SHISA9: variants seen among roughly 807,000 people sequenced by gnomAD.
The protein encoded by SHISA9 is protein shisa-9.
SHISA9 carries 13 observed loss-of-function variants against 38.0 expected under a neutral mutation model. That is an observed-to-expected ratio of 0.34 (90% CI 0.22 to 0.54). SHISA9 has a LOEUF of 0.54. SHISA9 is among the 20% of genes least tolerant of loss of function. SHISA9 has a pLI of 0.91. For synonymous variants in SHISA9, 275 were observed against 242.0 expected (o/e 1.14, Z -1.27); for missense variants, 538 against 575.8 (o/e 0.93, Z 0.67).
chr16:12,957,731 C>T (rs1001408639), intron 2 of SHISA9, among the ~76,000 whole-genome samples: 8 of 152,034 alleles, frequency 5.3e-5, no homozygotes, highest in South Asian at 2.1e-4. Context: ...AAACAACAAG[C>T]GTATTTTTTT....
intron 2 of SHISA9, among the ~76,000 whole-genome samples, chr16:13,183,944 G>A (rs1374564150): frequency 2.0e-5 from 3 of 152,078 alleles, no homozygotes; most frequent in Non-Finnish European, 4.4e-5. Context: ...ATGTTCTTGT[G>A]GGAGGGGCGG....
the SHISA9 span, among the ~76,000 whole-genome samples, chr16:13,416,256 A>G: frequency 6.6e-6 from 1 of 152,214 alleles, no homozygotes; most frequent in African/African-American, 2.4e-5. Flanking sequence ...CTTACTTAGA[A>G]CCTGGTAAGT....
the SHISA9 span, among the ~76,000 whole-genome samples, chr16:13,427,047 G>A: frequency 2.0e-5 from 3 of 152,190 alleles, no homozygotes; most frequent in African/African-American, 7.2e-5. Flanking sequence ...GACCAGGCTA[G>A]CAGAATATTC....
chr16:13,123,853 G>A (rs1238139714), intron 2 of SHISA9, among the ~76,000 whole-genome samples: 1 of 152,146 alleles, frequency 6.6e-6, no homozygotes, highest in Non-Finnish European at 1.5e-5. Flanking sequence ...GTGGGAACTG[G>A]GGAATTTACC....
intron 2 of SHISA9, among the ~76,000 whole-genome samples, chr16:13,073,796 T>C (rs1158441127): frequency 6.6e-6 from 1 of 152,042 alleles, no homozygotes; most frequent in Non-Finnish European, 1.5e-5. Flanking sequence ...ACGAGGCGGA[T>C]ACAAGCCAAG....
At chr16:13,449,031 GAAAC>G in the SHISA9 span, among the ~76,000 whole-genome samples, 5 of 152,156 alleles carry the variant, frequency 3.3e-5, no homozygotes, top group African/African-American at 1.2e-4. Context: ...TGAAACCTTG[GAAAC>G]AAACTAAAAT....
the SHISA9 span, among the ~76,000 whole-genome samples, chr16:13,470,333 T>G: frequency 2.0e-5 from 3 of 152,150 alleles, no homozygotes; most frequent in East Asian, 5.8e-4. Flanking sequence ...TCTATAGAAT[T>G]TAATGTATGA....
At chr16:13,432,802 A>T in the SHISA9 span, among the ~76,000 whole-genome samples, 1 of 152,208 alleles carries the variant, frequency 6.6e-6, no homozygotes, top group Non-Finnish European at 1.5e-5. Flanking sequence ...TCCTTAGCAA[A>T]CTAACACAGG....
the SHISA9 span, among the ~76,000 whole-genome samples, chr16:13,369,484 G>GT: frequency 6.6e-6 from 1 of 152,138 alleles, no homozygotes; most frequent in South Asian, 2.1e-4. Flanking sequence ...ATCCTGGAAA[G>GT]TTAGGTTTAT....
intron 2 of SHISA9, among the ~76,000 whole-genome samples, chr16:13,078,258 TG>T (rs1178326818): frequency 6.6e-6 from 1 of 152,252 alleles, no homozygotes; most frequent in South Asian, 2.1e-4. Context: ...GCATACTATT[TG>T]CATATAGCCT....
Position 13,020,985 on chromosome 16 carries a change from C to G in SHISA9, c.691+104170C>G, listed in dbSNP as rs1393485201. Among the ~76,000 whole-genome samples the G allele has an allele frequency of 2.6e-5, 4 of 152,182 alleles. No homozygotes were observed. The South Asian group carries it at 6.2e-4, about 24-fold the overall frequency. On this transcript the variant is annotated intron_variant, in intron 2 of 4. Transcript: ENST00000558583. The stretch of plus-strand genomic sequence containing the variant: ...TGGTGATTGGTGCTGGGGCAAGATG[C>G]TTGGGTGTAGAAACTGAAATAGTGA...
the SHISA9 span, among the ~76,000 whole-genome samples, chr16:13,450,959 T>C: frequency 2.0e-5 from 3 of 152,174 alleles, no homozygotes; most frequent in East Asian, 1.9e-4. Context: ...TTTTTCCTCT[T>C]AGATCTTGGT....
chr16:13,469,160 T>C, the SHISA9 span, among the ~76,000 whole-genome samples: 1 of 150,846 alleles, frequency 6.6e-6, no homozygotes, highest in African/African-American at 2.4e-5. Context: ...GAGAACAGCT[T>C]GAAACCTGGA....
chr16:12,962,118 C>T (rs1027895383), intron 2 of SHISA9, among the ~76,000 whole-genome samples: 2 of 152,220 alleles, frequency 1.3e-5, no homozygotes, highest in African/African-American at 2.4e-5. Context: ...CCAGTCGATG[C>T]GAAGGCACTG....
the SHISA9 span, among the ~76,000 whole-genome samples, chr16:13,394,928 G>GGTGT: frequency 0.11 from 15,527 of 139,308 alleles, 885 homozygotes; most frequent in Middle Eastern, 0.12. Context: ...CAGTATCTGG[G>GGTGT]GTGTGTGTGT....
the SHISA9 span, among the ~76,000 whole-genome samples, chr16:13,537,202 C>T: frequency 2.8e-4 from 43 of 152,150 alleles, no homozygotes; most frequent in African/African-American, 1.0e-3. Flanking sequence ...CCTACGGGGG[C>T]AAATCACTTG....
At chr16:13,372,428 T>C in the SHISA9 span, among the ~76,000 whole-genome samples, 1 of 152,162 alleles carries the variant, frequency 6.6e-6, no homozygotes, top group African/African-American at 2.4e-5. Flanking sequence ...CTAGTAAATA[T>C]GGTACAGGAA....
intron 2 of SHISA9, among the ~76,000 whole-genome samples, chr16:13,187,092 A>T (rs2050831816): frequency 6.6e-6 from 1 of 152,114 alleles, no homozygotes; most frequent in Non-Finnish European, 1.5e-5. Flanking sequence ...CCTCTGTTTC[A>T]CATGCAGCAG....
chr16:13,247,975 C>G, the SHISA9 span, among the ~76,000 whole-genome samples: 2 of 152,160 alleles, frequency 1.3e-5, no homozygotes, highest in African/African-American at 4.8e-5. Flanking sequence ...TAATTTGAAG[C>G]TGTTTTTGAT....
Sources: gnomAD v4.1 joint callset for allele counts (sites outside exome capture counted in the v4.1 genomes callset) on GRCh38, gnomAD v4.1.1 for gene constraint, MANE v1.5 for transcripts, NCBI Gene and HGNC (gene_info 2026-07-23, HGNC 2026-07-21) for gene names.